Variants in LIN28A observed in about 807,000 individuals in gnomAD.
LIN28A encodes lin-28 RNA binding posttranscriptional regulator A, also known as protein lin-28 homolog A.
A neutral mutation model predicts 21.1 loss-of-function variants in LIN28A; 11 were observed. The ratio of observed to expected loss-of-function variants is 0.52; its 90% CI spans 0.33 to 0.86. LIN28A has a LOEUF of 0.86. LIN28A is among the 40% of genes least tolerant of loss of function. LIN28A has a pLI of 0.03. For synonymous variants in LIN28A, 111 were observed against 108.7 expected (o/e 1.02, Z -0.13); for missense variants, 219 against 279.8 (o/e 0.78, Z 1.55).
chr1:26,423,286 C>G (rs1056480798), intron 2 of LIN28A, among the ~76,000 whole-genome samples: 1 of 152,166 alleles, frequency 6.6e-6, no homozygotes, highest in Middle Eastern at 3.4e-3. Context: ...TGTGATCTGC[C>G]CACCTCAGCC....
Position 26,411,297 on chromosome 1 carries a change from C to A in LIN28A, c.32-89C>A. 3 of 1,279,972 alleles carry A rather than the reference C, an allele frequency of 2.3e-6. No individual in the cohort carries two copies. The highest frequency in any genetic ancestry group is 3.1e-6 in the Non-Finnish European group (3 of 955,878). 79.3% of individuals were successfully genotyped at this position (1,279,972 alleles called of 1,614,324 possible). On this transcript the variant is annotated intron_variant, in intron 1 of 3. Transcript: ENST00000326279. This position sits in a 1 kb window ranked among gnomAD's most constrained non-coding sequence, Gnocchi z 5.4. ...CCCTCCTGGCTGTCCACTTGTGGGG[C>A]TGGATACTCGGGTCTCCCTGCCTGG...
At chr1:26,413,406 T>G (rs1012592737) in intron 2 of LIN28A, among the ~76,000 whole-genome samples, 1 of 152,058 alleles carries the variant, frequency 6.6e-6, no homozygotes, top group Non-Finnish European at 1.5e-5. Context: ...TTTGAGCAAA[T>G]GGGGACTTGG....
At chr1:26,418,542 T>TAAA (rs10680192) in intron 2 of LIN28A, among the ~76,000 whole-genome samples, 132 of 144,478 alleles carry the variant, frequency 9.1e-4, no homozygotes, top group African/African-American at 1.4e-3. Flanking sequence ...CCAGACTTTT[T>TAAA]AAAAAAAAAA....
At position 26,426,916 on chromosome 1, in the gene LIN28A, G is replaced by A. The variant is rs114876379; in HGVS notation, c.*458G>A. 2.3e-3 allele frequency: 405 copies of A among 179,330 alleles called. No homozygotes were observed. Among genetic ancestry groups the A allele is most frequent in the African/African-American group, 9.3e-3 (390 of 41,904 alleles). The allele number at this position is 179,330 out of a possible 1,614,324, so 11.1% of individuals were successfully genotyped here. ...AAGCATTGTTTTTTTTTCACATCTT[G>A]TATCCTCATACCCACTTTTGGGATA... On this transcript the variant is annotated 3_prime_UTR_variant, in exon 4 of 4. Coordinates refer to ENST00000326279, the MANE Select transcript of LIN28A (RefSeq NM_024674.6).
chr1:26,411,610 A>T lies in LIN28A; in HGVS notation c.228+28A>T, dbSNP rs1239917687. 1 of 1,602,364 alleles carries T rather than the reference A, an allele frequency of 6.2e-7. No individual in the cohort carries two copies. The highest frequency in any genetic ancestry group is 1.3e-5 in the African/African-American group (1 of 74,158). On this transcript the variant is annotated intron_variant, in intron 2 of 3. Transcript: ENST00000326279. The surrounding 1 kb of genome is among the most constrained non-coding windows in gnomAD (Gnocchi z 5.4). ...GAGACTGATTCCGGTAACTTTGCCC[A>T]GGGAAGGGCGTCTAGGCGCCCATAT...
At chr1:26,410,955 G>C (rs770125118) in intron 1 of LIN28A, 33 bp downstream of exon 1, 13 of 1,593,864 alleles carry the variant, frequency 8.2e-6, no homozygotes, top group Non-Finnish European at 1.1e-5. Context: ...GGACACTTTA[G>C]GATTCAGGGG....
intron 2 of LIN28A, among the ~76,000 whole-genome samples, chr1:26,420,252 A>AC (rs2075021003): frequency 1.3e-5 from 2 of 152,284 alleles, no homozygotes; most frequent in East Asian, 3.9e-4. Context: ...GTTGTGAGCC[A>AC]CCATGCCCGA....
At chr1:26,422,184 T>G (rs1244129396) in intron 2 of LIN28A, among the ~76,000 whole-genome samples, 1 of 151,622 alleles carries the variant, frequency 6.6e-6, no homozygotes, top group Non-Finnish European at 1.5e-5. Context: ...CATTTTTGTA[T>G]TATTTTGTAG....
rs771771757 is a variant in LIN28A, at chr1:26,410,854, C to T, written c.-38C>T. On this transcript the variant is annotated 5_prime_UTR_variant, in exon 1 of 4. Coordinates refer to ENST00000326279, the MANE Select transcript of LIN28A (RefSeq NM_024674.6). The stretch of plus-strand genomic sequence containing the variant: ...GACTTCTCCGGGGCCAGCAGCCGCC[C>T]GACCAGGGGCCCGGGGCCACGGGCT... The T allele has an allele frequency of 6.8e-6, 11 of 1,610,776 alleles. 1 individual carries two copies. The South Asian group carries it at 7.7e-5, about 11-fold the overall frequency.
At position 26,411,289 on chromosome 1, in the gene LIN28A, T is replaced by C. The variant is rs958610420; in HGVS notation, c.32-97T>C. 6 of 1,226,436 alleles carry C rather than the reference T, an allele frequency of 4.9e-6. No individual in the cohort carries two copies. Among genetic ancestry groups the C allele is most frequent in the African/African-American group, 1.5e-5 (1 of 64,890 alleles). 76.0% of individuals were successfully genotyped at this position (1,226,436 alleles called of 1,614,324 possible). A position where few individuals can be genotyped will look rare whatever the true frequency, so the allele number is the denominator to read the frequency against. On this transcript the variant is annotated intron_variant, in intron 1 of 3. Transcript: ENST00000326279. This position sits in a 1 kb window ranked among gnomAD's most constrained non-coding sequence, Gnocchi z 5.4. ...TAGCTGCCCCCTCCTGGCTGTCCAC[T>C]TGTGGGGCTGGATACTCGGGTCTCC... is the stretch of plus-strand genomic sequence containing the variant.
chr1:26,429,466 C>T lies in LIN28A; in HGVS notation c.*3008C>T, dbSNP rs1177019564. The stretch of plus-strand genomic sequence containing the variant: ...TGTGTAAAATCTTGAATTTATGGGG[C>T]GGGAGGGTAGGAAAGCCTGTACCTG... On this transcript the variant is annotated 3_prime_UTR_variant, in exon 4 of 4. Transcript: ENST00000326279. 4.6e-5 allele frequency: 7 copies of T among 152,596 alleles called. No homozygotes were observed. Among genetic ancestry groups the T allele is most frequent in the South Asian group, 2.1e-4 (1 of 4,826 alleles). The allele number at this position is 152,596 out of a possible 1,614,324, so 9.5% of individuals were successfully genotyped here.
chr1:26,423,422 T>TTC (rs1488186954), intron 2 of LIN28A, among the ~76,000 whole-genome samples: 4 of 131,910 alleles, frequency 3.0e-5, no homozygotes, highest in Admixed American at 1.5e-4. Context: ...TCTTTTTTTT[T>TTC]TTTTTTTTTT....
At position 26,411,629 on chromosome 1, in the gene LIN28A, C is replaced by T. The variant is rs1464511941; in HGVS notation, c.228+47C>T. On this transcript the variant is annotated intron_variant, in intron 2 of 3. Coordinates refer to ENST00000326279, the MANE Select transcript of LIN28A (RefSeq NM_024674.6). This position sits in a 1 kb window ranked among gnomAD's most constrained non-coding sequence, Gnocchi z 5.4. The stretch of plus-strand genomic sequence containing the variant: ...TTGCCCAGGGAAGGGCGTCTAGGCG[C>T]CCATATCCACGGGTGGGCTCCGGGC... The T allele has an allele frequency of 6.3e-7, 1 of 1,578,482 alleles. No individual in the cohort carries two copies. Among genetic ancestry groups the T allele is most frequent in the Non-Finnish European group, 8.6e-7 (1 of 1,160,018 alleles).
chr1:26,413,044 C>T (rs2124283232), intron 2 of LIN28A, among the ~76,000 whole-genome samples: 3 of 152,194 alleles, frequency 2.0e-5, no homozygotes, highest in Middle Eastern at 3.4e-3. Context: ...AATGATAACC[C>T]ACAGGAAGTA....
intron 2 of LIN28A, among the ~76,000 whole-genome samples, chr1:26,417,531 G>A (rs2075000903): frequency 1.3e-5 from 2 of 152,242 alleles, no homozygotes; most frequent in Admixed American, 1.3e-4. Flanking sequence ...TATGTGACTT[G>A]CATCATAATG....
intron 2 of LIN28A, among the ~76,000 whole-genome samples, chr1:26,412,344 C>T (rs925518740): frequency 2.6e-5 from 4 of 152,150 alleles, no homozygotes; most frequent in Admixed American, 1.3e-4. Flanking sequence ...GGGAGGCTGG[C>T]CTCTGGTCCT....
At position 26,411,305 on chromosome 1, in the gene LIN28A, T is replaced by C; in HGVS notation, c.32-81T>C. The stretch of plus-strand genomic sequence containing the variant: ...GCTGTCCACTTGTGGGGCTGGATAC[T>C]CGGGTCTCCCTGCCTGGGGCCCGAG... On this transcript the variant is annotated intron_variant, in intron 1 of 3. Coordinates refer to ENST00000326279, the MANE Select transcript of LIN28A (RefSeq NM_024674.6). The surrounding 1 kb of genome is among the most constrained non-coding windows in gnomAD (Gnocchi z 5.4). The C allele has an allele frequency of 7.4e-7, 1 of 1,348,256 alleles. No homozygotes were observed. The highest frequency in any genetic ancestry group is 9.8e-7 in the Non-Finnish European group (1 of 1,016,326). 83.5% of individuals were successfully genotyped at this position (1,348,256 alleles called of 1,614,324 possible).
Position 26,411,649 on chromosome 1 carries a change from C to A in LIN28A, c.228+67C>A. ...AGGCGCCCATATCCACGGGTGGGCT[C>A]CGGGCTCGCAGTTGAATTGAGGGCC... On this transcript the variant is annotated intron_variant, in intron 2 of 3. Coordinates refer to ENST00000326279, the MANE Select transcript of LIN28A (RefSeq NM_024674.6). The surrounding 1 kb of genome is among the most constrained non-coding windows in gnomAD (Gnocchi z 5.4). 1 of 1,525,870 alleles carries A rather than the reference C, an allele frequency of 6.6e-7. No homozygotes were observed. Among genetic ancestry groups the A allele is most frequent in the Non-Finnish European group, 8.9e-7 (1 of 1,120,408 alleles). The allele number at this position is 1,525,870 out of a possible 1,614,324, so 94.5% of individuals were successfully genotyped here. A position where few individuals can be genotyped will look rare whatever the true frequency, so the allele number is the denominator to read the frequency against.
chr1:26,411,072 G>C lies in LIN28A; in HGVS notation c.31+150G>C. ...TTCATAGGGCCGTCTCTGGGGCCAG[G>C]AACCTTGGTGTCCCAGTGGCGTGCG... On this transcript the variant is annotated intron_variant, in intron 1 of 3. Transcript: ENST00000326279. This position sits in a 1 kb window ranked among gnomAD's most constrained non-coding sequence, Gnocchi z 5.4. 9.5e-7 allele frequency: 1 copy of C among 1,057,342 alleles called. No individual in the cohort carries two copies. The highest frequency in any genetic ancestry group is 1.3e-6 in the Non-Finnish European group (1 of 744,888). 65.5% of individuals were successfully genotyped at this position (1,057,342 alleles called of 1,614,324 possible).
Sources: gnomAD v4.1 joint callset for allele counts (sites outside exome capture counted in the v4.1 genomes callset) on GRCh38, gnomAD v4.1.1 for gene constraint, Gnocchi (gnomAD v3.1) non-coding constraint, MANE v1.5 for transcripts, NCBI Gene and HGNC (gene_info 2026-07-23, HGNC 2026-07-21) for gene names.